Variants in NPSR1 observed in about 807,000 individuals in gnomAD.
NPSR1 encodes neuropeptide S receptor.
NPSR1 carries 48 observed loss-of-function variants against 46.9 expected under a neutral mutation model. The observed-to-expected ratio is 1.02, with a 90% CI of 0.81 to 1.30. The LOEUF is 1.30. Ranked by LOEUF, NPSR1 falls within the 50% of genes most tolerant of loss-of-function variation. The pLI, the probability that NPSR1 is intolerant of heterozygous loss-of-function variation, is 0.00. For synonymous variants in NPSR1, 176 were observed against 168.1 expected (o/e 1.05, Z -0.36); for missense variants, 450 against 449.5 (o/e 1.00, Z -0.01).
chr7:34,835,291 A>C (rs1790313947), intron 6 of NPSR1, among the ~76,000 whole-genome samples: 1 of 152,174 alleles, frequency 6.6e-6, no homozygotes, highest in Admixed American at 6.5e-5. Flanking sequence ...ACACACCTTC[A>C]CACACTCAGT....
intron 8 of NPSR1, among the ~76,000 whole-genome samples, chr7:34,877,474 G>T (rs1199691820): frequency 6.6e-6 from 1 of 152,200 alleles, no homozygotes; most frequent in Non-Finnish European, 1.5e-5. Context: ...ACTATTTGGG[G>T]GTCTGGGAAG....
intron 4 of NPSR1, among the ~76,000 whole-genome samples, chr7:34,814,918 A>G (rs1034888564): frequency 6.6e-6 from 1 of 152,238 alleles, no homozygotes; most frequent in Non-Finnish European, 1.5e-5. Flanking sequence ...GTAGGTCACC[A>G]ATATCAAAGA....
intron 2 of NPSR1, among the ~76,000 whole-genome samples, chr7:34,689,620 A>AAAAAAAAAAAAAG (rs1793134725): frequency 2.8e-4 from 36 of 126,354 alleles, no homozygotes; most frequent in East Asian, 4.5e-4. Context: ...AAAAAAAAAA[A>AAAAAAAAAAAAAG]AAAAAAAAAA....
At chr7:34,700,740 C>G (rs1397194678) in intron 2 of NPSR1, among the ~76,000 whole-genome samples, 1 of 152,088 alleles carries the variant, frequency 6.6e-6, no homozygotes, top group Admixed American at 6.6e-5. Context: ...ACTTCTGAGC[C>G]CTATGACCTA....
chr7:34,787,130 C>T (rs1427534881), intron 3 of NPSR1, among the ~76,000 whole-genome samples: 2 of 152,114 alleles, frequency 1.3e-5, no homozygotes, highest in Non-Finnish European at 2.9e-5. Flanking sequence ...GAAAAACTAT[C>T]GTTTACTGTA....
chr7:34,785,017 C>A lies in NPSR1; in HGVS notation c.384+6452C>A, dbSNP rs549785595. 3.4e-3 allele frequency among the ~76,000 whole-genome samples: 518 copies of A among 152,154 alleles called. 4 individuals carry two copies. Among genetic ancestry groups the A allele is most frequent in the African/African-American group, 0.012 (502 of 41,504 alleles). On this transcript the variant is annotated intron_variant, in intron 3 of 8. Coordinates refer to ENST00000360581, the MANE Select transcript of NPSR1 (RefSeq NM_207172.2). The stretch of plus-strand genomic sequence containing the variant: ...AACTAGAAATACCATTTGACCCAGC[C>A]ATCCCATTACTGGGTATTTACCCAA...
chr7:34,743,597 G>T (rs1047665534), intron 2 of NPSR1, among the ~76,000 whole-genome samples: 4 of 151,968 alleles, frequency 2.6e-5, no homozygotes, highest in African/African-American at 9.7e-5. Flanking sequence ...CCACTACCAC[G>T]CCTGGCTAAT....
At chr7:34,837,845 C>T (rs1295896760) in intron 6 of NPSR1, among the ~76,000 whole-genome samples, 1 of 152,218 alleles carries the variant, frequency 6.6e-6, no homozygotes, top group Admixed American at 6.5e-5. Flanking sequence ...AGAGCTATTC[C>T]TACCTCATCT....
At chr7:34,871,913 C>A (rs776937239) in intron 8 of NPSR1, among the ~76,000 whole-genome samples, 15 of 151,930 alleles carry the variant, frequency 9.9e-5, no homozygotes, top group Non-Finnish European at 1.5e-4. Flanking sequence ...TGCAAGCTGC[C>A]AATCTACCAT....
intron 1 of NPSR1, among the ~76,000 whole-genome samples, chr7:34,659,629 A>G (rs2128667490): frequency 6.6e-6 from 1 of 152,326 alleles, no homozygotes; most frequent in Non-Finnish European, 1.5e-5. Context: ...CCTGCAGCAA[A>G]GCAGAACCTG....
intron 2 of NPSR1, among the ~76,000 whole-genome samples, chr7:34,728,171 C>T (rs1035399063): frequency 6.6e-6 from 1 of 151,894 alleles, no homozygotes; most frequent in Non-Finnish European, 1.5e-5. Context: ...TGGTGTGCTG[C>T]ACCCATTAAC....
intron 2 of NPSR1, among the ~76,000 whole-genome samples, chr7:34,746,380 A>G (rs1785203528): frequency 6.6e-6 from 1 of 152,210 alleles, no homozygotes; most frequent in Non-Finnish European, 1.5e-5. Flanking sequence ...TATATTTATC[A>G]TTATCATATG....
At chr7:34,706,183 T>A (rs1453084196) in intron 2 of NPSR1, among the ~76,000 whole-genome samples, 1 of 152,132 alleles carries the variant, frequency 6.6e-6, no homozygotes, top group Non-Finnish European at 1.5e-5. Context: ...GATTTTTTTT[T>A]TTTTAGATTT....
At chr7:34,727,409 A>G (rs1784210519) in intron 2 of NPSR1, among the ~76,000 whole-genome samples, 1 of 152,226 alleles carries the variant, frequency 6.6e-6, no homozygotes, top group Non-Finnish European at 1.5e-5. Flanking sequence ...GGCCTGATGT[A>G]TTATTGACCA....
At position 34,680,040 on chromosome 7, in the gene NPSR1, T is replaced by C. The variant is rs991735615; in HGVS notation, c.148-4512T>C. Among the ~76,000 whole-genome samples, 4 of 152,204 alleles carry C rather than the reference T, an allele frequency of 2.6e-5. No homozygotes were observed. The East Asian group carries it at 5.8e-4, about 22-fold the overall frequency. On this transcript the variant is annotated intron_variant, in intron 1 of 8. Transcript: ENST00000360581. ...ATTGCATAGCAAATATTTACAAAGCTCACATGATATGACCATAATAGATAA... is the reference window on the plus strand; with the variant it reads ...ATTGCATAGCAAATATTTACAAAGCCCACATGATATGACCATAATAGATAA...
In NPSR1 at chr7:34,809,624, C is replaced by T. The variant is rs1375841705; in HGVS notation, c.385-2146C>T. On this transcript the variant is annotated intron_variant, in intron 3 of 8. Coordinates refer to ENST00000360581, the MANE Select transcript of NPSR1 (RefSeq NM_207172.2). ...GACTACAGGCGCCCGCCACTACGCC[C>T]GGCTAATTTTTTGTATTTTTAGTAG... Among the ~76,000 whole-genome samples the T allele has an allele frequency of 2.6e-5, 4 of 151,972 alleles. No individual in the cohort carries two copies. In the East Asian group the frequency reaches 7.8e-4, roughly 29 times the overall value.
At chr7:34,792,170 A>G (rs1169269935) in intron 3 of NPSR1, among the ~76,000 whole-genome samples, 5 of 152,108 alleles carry the variant, frequency 3.3e-5, no homozygotes, top group East Asian at 1.9e-4. Context: ...ATTTTTTTGG[A>G]TAAGACACCA....
chr7:34,857,582 A>T (rs1385582137), intron 8 of NPSR1, among the ~76,000 whole-genome samples: 1 of 151,776 alleles, frequency 6.6e-6, no homozygotes, highest in African/African-American at 2.4e-5. Context: ...CTACTGGATT[A>T]TATGTCAAAT....
chr7:34,775,110 G>A (rs1786890424), intron 2 of NPSR1, among the ~76,000 whole-genome samples: 1 of 152,160 alleles, frequency 6.6e-6, no homozygotes, highest in African/African-American at 2.4e-5. Context: ...TGCCTCTAAT[G>A]TATTAGACAC....
Sources: allele counts gnomAD v4.1 joint callset (sites outside exome capture counted in the v4.1 genomes callset), GRCh38; gene constraint gnomAD v4.1.1; transcripts MANE v1.5; gene names NCBI Gene and HGNC (gene_info 2026-07-23, HGNC 2026-07-21).